MSH3: variants seen among roughly 807,000 people sequenced by gnomAD.
The protein encoded by MSH3 is mutS homolog 3, also known as DNA mismatch repair protein Msh3.
Under a neutral mutation model 123.3 loss-of-function variants are expected in MSH3, and 106 were observed. The ratio of observed to expected loss-of-function variants is 0.86; its 90% CI spans 0.73 to 1.01. The LOEUF (loss-of-function observed/expected upper bound fraction) is 1.01, where lower values mean the gene tolerates loss of function less well. MSH3 is among the 50% of genes least tolerant of loss of function. MSH3 has a pLI of 0.00. For missense variants in MSH3, 1,459 were observed against 1,347.6 expected (o/e 1.08, Z -1.29); for synonymous variants, 515 against 481.4 (o/e 1.07, Z -0.91).
intron 17 of MSH3, among the ~76,000 whole-genome samples, chr5:80,786,965 A>T (rs1321491844): frequency 6.6e-6 from 1 of 151,966 alleles, no homozygotes; most frequent in Non-Finnish European, 1.5e-5. Context: ...TATATGCATT[A>T]TTAATAAGAT....
At chr5:80,820,109 T>C (rs1225950395) in intron 20 of MSH3, among the ~76,000 whole-genome samples, 2 of 152,126 alleles carry the variant, frequency 1.3e-5, no homozygotes, top group Non-Finnish European at 2.9e-5. Flanking sequence ...TTGCAGAAAA[T>C]TCAAAATAGC....
At chr5:80,679,223 A>C in intron 8 of MSH3, 130 bp downstream of exon 8, 16 of 987,340 alleles carry the variant, frequency 1.6e-5, no homozygotes, top group Non-Finnish European at 2.4e-5. Context: ...TAGTAGTGGA[A>C]ATTTAAAAAA....
intron 10 of MSH3, among the ~76,000 whole-genome samples, chr5:80,738,687 A>G (rs1212077666): frequency 6.6e-6 from 1 of 152,156 alleles, no homozygotes; most frequent in Non-Finnish European, 1.5e-5. Flanking sequence ...GTGAGCTGAG[A>G]TGCTTTTAGG....
At chr5:80,835,783 C>T (rs1219244273) in intron 20 of MSH3, among the ~76,000 whole-genome samples, 1 of 151,966 alleles carries the variant, frequency 6.6e-6, no homozygotes, top group Non-Finnish European at 1.5e-5. Context: ...GGCATGGTGG[C>T]ACATTCCTAT....
chr5:80,796,837 G>A (rs943127751), intron 19 of MSH3, among the ~76,000 whole-genome samples: 5 of 149,618 alleles, frequency 3.3e-5, no homozygotes, highest in Middle Eastern at 6.8e-3. Context: ...TGTGGTCACC[G>A]CTGGAGCTCC....
chr5:80,742,930 A>G (rs1243147151), intron 11 of MSH3, among the ~76,000 whole-genome samples: 12 of 152,122 alleles, frequency 7.9e-5, no homozygotes, highest in Admixed American at 7.2e-4. Context: ...TCAAATTCCT[A>G]AGGCAGAAAT....
intron 16 of MSH3, among the ~76,000 whole-genome samples, chr5:80,776,665 A>T (rs1744303642): frequency 6.6e-6 from 1 of 151,996 alleles, no homozygotes; most frequent in Admixed American, 6.6e-5. Flanking sequence ...GGTATTAGGG[A>T]AGTATATACA....
intron 20 of MSH3, among the ~76,000 whole-genome samples, chr5:80,830,845 G>A (rs1263819520): frequency 6.6e-6 from 1 of 152,202 alleles, no homozygotes; most frequent in African/African-American, 2.4e-5. Context: ...TCTCATCAGT[G>A]TTTCCACGGA....
At position 80,875,957 on chromosome 5, in the gene MSH3, T is replaced by G. The variant is rs1016608288; in HGVS notation, c.*95T>G. Reference sequence around the variant, plus strand: ...TAACAGCCTATCTTTGTGTGACATGTGAGCATAAAATTATGACCATGGTAT... The same window carrying G: ...TAACAGCCTATCTTTGTGTGACATGGGAGCATAAAATTATGACCATGGTAT... On this transcript the variant is annotated 3_prime_UTR_variant, in exon 24 of 24. Coordinates refer to ENST00000265081, the MANE Select transcript of MSH3 (RefSeq NM_002439.5). 1.3e-6 allele frequency: 1 copy of G among 780,546 alleles called. No individual in the cohort carries two copies. The highest frequency in any genetic ancestry group is 2.2e-6 in the Non-Finnish European group (1 of 447,444). The allele number at this position is 780,546 out of a possible 1,614,324, so 48.4% of individuals were successfully genotyped here. A position where few individuals can be genotyped will look rare whatever the true frequency, so the allele number is the denominator to read the frequency against.
chr5:80,842,000 T>TA (rs1199756759), intron 20 of MSH3, among the ~76,000 whole-genome samples: 2 of 152,246 alleles, frequency 1.3e-5, no homozygotes, highest in Admixed American at 6.5e-5. Context: ...TCCTGAATGG[T>TA]ATTGCCTAGG....
chr5:80,708,462 A>AT (rs1317966397), intron 8 of MSH3, among the ~76,000 whole-genome samples: 3 of 147,888 alleles, frequency 2.0e-5, no homozygotes, highest in African/African-American at 5.0e-5. Flanking sequence ...ATATTTATTT[A>AT]TTTATTTTTT....
At position 80,775,822 on chromosome 5, in the gene MSH3, A is replaced by C. The variant is rs146911220; in HGVS notation, c.2318+64A>C. On this transcript the variant is annotated intron_variant, in intron 16 of 23. Coordinates refer to ENST00000265081, the MANE Select transcript of MSH3 (RefSeq NM_002439.5). ...GATGACATCTGTATATCTATGTGCT[A>C]CTGGGCTCATCGTAGCCACATTCTT... is the stretch of plus-strand genomic sequence containing the variant. The C allele has an allele frequency of 8.2e-5, 71 of 869,474 alleles. No individual in the cohort carries two copies. The South Asian group carries it at 9.9e-4, about 12-fold the overall frequency. 53.9% of individuals were successfully genotyped at this position (869,474 alleles called of 1,614,324 possible).
At chr5:80,792,040 A>G (rs370058133) in intron 18 of MSH3, among the ~76,000 whole-genome samples, 1 of 152,234 alleles carries the variant, frequency 6.6e-6, no homozygotes, top group African/African-American at 2.4e-5. Context: ...CCGTAGAAAG[A>G]TGTTTTAATT....
rs187312164 is a variant in MSH3 at position 80,678,005 on chromosome 5, A to C, written c.1174-922A>C. On this transcript the variant is annotated intron_variant, in intron 7 of 23. Transcript: ENST00000265081. ...TTTCTCCAGAGTATATCCTTGGGGG[A>C]GGAATTGCTGAATTATAGGGTGTGG... is the stretch of plus-strand genomic sequence containing the variant. Among the ~76,000 whole-genome samples the C allele has an allele frequency of 2.2e-3, 331 of 152,112 alleles. 2 individuals are homozygous for C. The highest frequency in any genetic ancestry group is 7.7e-3 in the African/African-American group (318 of 41,462).
chr5:80,664,784 C>G (rs1368844588), intron 2 of MSH3, among the ~76,000 whole-genome samples: 2 of 151,938 alleles, frequency 1.3e-5, no homozygotes, highest in East Asian at 1.9e-4. Flanking sequence ...CTCAGGTGTG[C>G]TGAATTGGTT....
chr5:80,662,230 A>G (rs1408616911), intron 2 of MSH3, among the ~76,000 whole-genome samples: 12 of 152,220 alleles, frequency 7.9e-5, no homozygotes, highest in Non-Finnish European at 1.6e-4. Flanking sequence ...CGGGAGCAAT[A>G]AACTATACCA....
intron 7 of MSH3, among the ~76,000 whole-genome samples, chr5:80,678,013 C>T (rs1226138069): frequency 6.6e-6 from 1 of 152,116 alleles, no homozygotes. Context: ...GGAGGAATTG[C>T]TGAATTATAG....
intron 2 of MSH3, among the ~76,000 whole-genome samples, chr5:80,664,070 CCTT>C (rs1749509140): frequency 1.3e-5 from 2 of 152,084 alleles, no homozygotes; most frequent in African/African-American, 4.8e-5. Context: ...TGATAGTTTC[CCTT>C]CTTTTATGGA....
chr5:80,792,609 C>A, intron 18 of MSH3, 124 bp from the exon 19 acceptor site: 1 of 664,030 alleles, frequency 1.5e-6, no homozygotes, highest in Non-Finnish European at 2.7e-6. Flanking sequence ...TTCTTAAAAT[C>A]TATGTTTAAA....
Sources: allele counts gnomAD v4.1 joint callset (sites outside exome capture counted in the v4.1 genomes callset), GRCh38; gene constraint gnomAD v4.1.1; transcripts MANE v1.5; gene names NCBI Gene and HGNC (gene_info 2026-07-23, HGNC 2026-07-21).